The following SYNPO variants were observed in gnomAD, a reference collection of about 807,000 sequenced individuals.
SYNPO encodes the protein synaptopodin.
In SYNPO, 19 loss-of-function variants were observed where a neutral mutation model predicts 49.5. The ratio of observed to expected loss-of-function variants is 0.38; its 90% confidence interval spans 0.27 to 0.56. The LOEUF is 0.56. Among genes scored for constraint, SYNPO ranks in the 20% least tolerant of loss-of-function variants. The pLI is 0.68. For synonymous variants in SYNPO, 536 were observed against 548.0 expected (o/e 0.98, Z 0.31); for missense variants, 1,131 against 1,248.3 (o/e 0.91, Z 1.42).
At chr5:150,595,289 T>C in the SYNPO span, among the ~76,000 whole-genome samples, 1 of 152,218 alleles carries the variant, frequency 6.6e-6, no homozygotes, top group Admixed American at 6.5e-5. Flanking sequence ...ACACATAGAA[T>C]CACCAAGTAT....
intron 2 of SYNPO, among the ~76,000 whole-genome samples, chr5:150,655,534 C>A (rs560997192): frequency 1.1e-4 from 17 of 152,382 alleles, no homozygotes; most frequent in African/African-American, 3.8e-4. Flanking sequence ...TGACTGAAAG[C>A]TTCCCGGGAT....
rs58828199 is a variant in SYNPO, at chr5:150,657,432, TCACACACACACACACA to T, written c.*375_*390del. Reference sequence around the variant, plus strand: ...CTCTCTCTTTCTCTCTCTCTCTCTCTCACACACACACACACACACACACACACACACACACACACAC... The same window carrying T: ...CTCTCTCTTTCTCTCTCTCTCTCTCTCACACACACACACACACACACACAC... On this transcript the variant is annotated 3_prime_UTR_variant, in exon 3 of 3. Coordinates refer to ENST00000307662, the MANE Select transcript of SYNPO (RefSeq NM_007286.6). The T allele has an allele frequency of 4.0e-3, 555 of 139,740 alleles. 5 individuals are homozygous for T. Among genetic ancestry groups the T allele is most frequent in the African/African-American group, 0.014 (510 of 35,208 alleles). 8.7% of individuals were successfully genotyped at this position (139,740 alleles called of 1,614,324 possible).
intron 1 of SYNPO, among the ~76,000 whole-genome samples, chr5:150,615,619 C>T (rs1756964489): frequency 6.6e-6 from 1 of 152,250 alleles, no homozygotes; most frequent in South Asian, 2.1e-4. Context: ...AAAGCACCTG[C>T]CCCAGTTCAC....
intron 2 of SYNPO, among the ~76,000 whole-genome samples, chr5:150,623,999 G>T (rs1443767263): frequency 6.6e-6 from 1 of 152,206 alleles, no homozygotes; most frequent in Non-Finnish European, 1.5e-5. Flanking sequence ...TGGGTATCTG[G>T]ACTTTTAACA....
chr5:150,619,781 C>G (rs1757095632), intron 2 of SYNPO, among the ~76,000 whole-genome samples: 1 of 152,202 alleles, frequency 6.6e-6, no homozygotes, highest in Admixed American at 6.5e-5. Flanking sequence ...TGGCATCTCA[C>G]CAGCCTTCCC....
At chr5:150,650,578 T>C in intron 2 of SYNPO, 1 of 1,455,112 alleles carries the variant, frequency 6.9e-7, no homozygotes, top group East Asian at 2.5e-5. Flanking sequence ...AGGAGGGTCA[T>C]GGAGAGAGAA....
upstream of SYNPO, among the ~76,000 whole-genome samples, chr5:150,598,066 A>T (rs1250113711): frequency 6.6e-6 from 1 of 152,052 alleles, no homozygotes; most frequent in Non-Finnish European, 1.5e-5. Context: ...CAGTAGTGGG[A>T]TCTTGCCTGT....
rs781745213 is a variant in SYNPO, at chr5:150,648,943, G to A, written c.668G>A (p.Ser223Asn). 10 of 1,614,118 alleles carry A rather than the reference G, an allele frequency of 6.2e-6. 1 individual carries two copies. The South Asian group carries it at 1.1e-4, about 18-fold the overall frequency. ...GCCACCACGCCCACCAAGGTCTACAGTGAGGTCCACTTCACACTGGCCAAG... is the reference window on the plus strand; with the variant it reads ...GCCACCACGCCCACCAAGGTCTACAATGAGGTCCACTTCACACTGGCCAAG... ...AAATTPTKVY[S>N]EVHFTLAKPP... Residue 223 changes from serine to asparagine, a missense_variant, in exon 2 of 3, where the codon AGT becomes AAT. Ser to Asn is a conservative substitution (Grantham distance 46). This residue lies in a region of SYNPO where 602 missense variants were observed against 720.7 expected (regional missense o/e 0.84). Transcript: ENST00000307662. This position sits in a 1 kb window ranked among gnomAD's most constrained non-coding sequence, Gnocchi z 5.0.
the SYNPO span, among the ~76,000 whole-genome samples, chr5:150,592,057 C>T: frequency 5.9e-5 from 9 of 152,050 alleles, no homozygotes; most frequent in Admixed American, 6.5e-5. Flanking sequence ...CCCAGCTACT[C>T]GGGAGGCTGA....
chr5:150,628,066 G>GTGTGTGT (rs1561643374), intron 2 of SYNPO, among the ~76,000 whole-genome samples: 2 of 150,300 alleles, frequency 1.3e-5, no homozygotes, highest in Non-Finnish European at 1.5e-5. Flanking sequence ...GTGTGTGTGT[G>GTGTGTGT]GTCAGAGTCT....
chr5:150,604,549 G>A (rs760434885), intron 1 of SYNPO, among the ~76,000 whole-genome samples: 7 of 152,192 alleles, frequency 4.6e-5, no homozygotes, highest in Non-Finnish European at 1.0e-4. Context: ...ATCTACCGGT[G>A]GCAATGTTAA....
chr5:150,655,135 T>A (rs1758512657), intron 2 of SYNPO, among the ~76,000 whole-genome samples: 1 of 152,158 alleles, frequency 6.6e-6, no homozygotes, highest in Non-Finnish European at 1.5e-5. Flanking sequence ...TAAAAAATAA[T>A]AATGGTCAAT....
At chr5:150,606,809 G>A (rs1756706262) in intron 1 of SYNPO, among the ~76,000 whole-genome samples, 1 of 152,190 alleles carries the variant, frequency 6.6e-6, no homozygotes, top group African/African-American at 2.4e-5. Flanking sequence ...GTTAGGCTGA[G>A]CGCCCCTCAG....
intron 2 of SYNPO, among the ~76,000 whole-genome samples, chr5:150,623,922 G>T (rs1757261073): frequency 6.6e-6 from 1 of 152,242 alleles, no homozygotes; most frequent in African/African-American, 2.4e-5. Context: ...GGCTGTGGAG[G>T]GTACTTGCCA....
rs1343765536 is a variant in SYNPO at position 150,649,534 on chromosome 5, C to G, written c.1259C>G (p.Pro420Arg). 2 of 1,610,886 alleles carry G rather than the reference C, an allele frequency of 1.2e-6. No individual in the cohort carries two copies. Among genetic ancestry groups the G allele is most frequent in the Non-Finnish European group, 1.7e-6 (2 of 1,178,706 alleles). ...GGGGAGGTAGGCGTGGAGGAGGAGC[C>G]CTTCGCACTGGGGGCCGAGGCCTCC... ...DQGEVGVEEE[P>R]FALGAEASNF... Residue 420 changes from proline (P) to arginine (R), a missense_variant, in exon 2 of 3, where the codon CCC (proline) becomes CGC (arginine). Physicochemically the swap from Pro to Arg is moderately radical, Grantham distance 103 (BLOSUM62 -2). Around this residue, in one of 4 missense-constraint regions of SYNPO, gnomAD observed 602 missense variants for 720.7 expected, o/e 0.84. Coordinates refer to ENST00000307662, the MANE Select transcript of SYNPO (RefSeq NM_007286.6).
rs763541477 is a variant in SYNPO, at chr5:150,648,439, C to T, written c.164C>T (p.Pro55Leu). The T allele has an allele frequency of 8.1e-6, 13 of 1,614,052 alleles. No homozygotes were observed. In the Middle Eastern group the frequency reaches 8.2e-4, roughly 102 times the overall value. Residue 55 changes from proline (P) to leucine (L), a missense_variant, in exon 2 of 3, where the codon CCG (proline) becomes CTG (leucine). Around this residue, in one of 4 missense-constraint regions of SYNPO, gnomAD observed 602 missense variants for 720.7 expected, o/e 0.84. Coordinates refer to ENST00000307662, the MANE Select transcript of SYNPO (RefSeq NM_007286.6). The surrounding 1 kb of genome is among the most constrained non-coding windows in gnomAD (Gnocchi z 5.0). Reference sequence around the variant, plus strand: ...AACCGAGAGGCCCAGCAGTCCTCACCGGCCCCACCTCCAGCTGAGGTCCAC... The same window carrying T: ...AACCGAGAGGCCCAGCAGTCCTCACTGGCCCCACCTCCAGCTGAGGTCCAC... The part of the protein sequence containing the change: ...SQNREAQQSS[P>L]APPPAEVHSP...
At chr5:150,590,032 G>A in the SYNPO span, among the ~76,000 whole-genome samples, 1 of 152,246 alleles carries the variant, frequency 6.6e-6, no homozygotes, top group African/African-American at 2.4e-5. Flanking sequence ...TTCAGCCAAA[G>A]CCCGCGCAGA....
In SYNPO at chr5:150,649,822, C is replaced by T; in HGVS notation, c.1547C>T (p.Pro516Leu). 6.2e-7 allele frequency: 1 copy of T among 1,610,202 alleles called. No homozygotes were observed. Among genetic ancestry groups the T allele is most frequent in the Non-Finnish European group, 8.5e-7 (1 of 1,180,012 alleles). ...ARCPSPTMSL[P>L]SSWKYPTNAP... ...TGCCCATCACCTACCATGTCCCTGC[C>T]TTCCTCCTGGAAATACCCCACTAAC... is the stretch of plus-strand genomic sequence containing the variant. The change falls in exon 2 of 3, where the codon CCT becomes CTT. Residue 516 changes from proline to leucine, a missense_variant. Pro to Leu is a moderately conservative substitution (Grantham distance 98, BLOSUM62 -3). Coordinates refer to ENST00000307662, the MANE Select transcript of SYNPO (RefSeq NM_007286.6).
At chr5:150,619,989 C>T (rs556003089) in intron 2 of SYNPO, among the ~76,000 whole-genome samples, 5 of 152,214 alleles carry the variant, frequency 3.3e-5, no homozygotes, top group Non-Finnish European at 7.4e-5. Flanking sequence ...CACCAGAGTC[C>T]GCCCAAATTC....
Sources: allele counts gnomAD v4.1 joint callset (sites outside exome capture counted in the v4.1 genomes callset), GRCh38; gene constraint gnomAD v4.1.1; regional missense constraint gnomAD v4.1.1; non-coding constraint Gnocchi (gnomAD v3.1); transcripts MANE v1.5; gene names NCBI Gene and HGNC (gene_info 2026-07-23, HGNC 2026-07-21).